The following SUGCT variants were observed in gnomAD, a reference collection of about 807,000 sequenced individuals.
SUGCT encodes the protein succinyl-CoA:glutarate-CoA transferase.
A neutral mutation model predicts 55.0 loss-of-function variants in SUGCT; 41 were observed. The ratio of observed to expected loss-of-function variants is 0.74; its 90% CI spans 0.58 to 0.97. SUGCT has a LOEUF of 0.97. Among genes scored for constraint, SUGCT ranks in the 50% least tolerant of loss-of-function variants. The pLI is 0.00. For missense variants in SUGCT, 568 were observed against 547.8 expected (o/e 1.04, Z -0.37); for synonymous variants, 187 against 200.4 (o/e 0.93, Z 0.56).
intron 1 of SUGCT, among the ~76,000 whole-genome samples, chr7:40,171,427 CT>C (rs1405434560): frequency 6.6e-6 from 1 of 152,206 alleles, no homozygotes; most frequent in Non-Finnish European, 1.5e-5. Context: ...AACCATCTAC[CT>C]TCTTGTCCTG....
chr7:40,870,753 T>A, the SUGCT span, among the ~76,000 whole-genome samples: 1 of 152,240 alleles, frequency 6.6e-6, no homozygotes, highest in South Asian at 2.1e-4. Flanking sequence ...TGTAATTCTA[T>A]TGTAAGAGTT....
At chr7:41,023,060 A>G in the SUGCT span, among the ~76,000 whole-genome samples, 2 of 152,136 alleles carry the variant, frequency 1.3e-5, no homozygotes, top group Non-Finnish European at 2.9e-5. Flanking sequence ...TTGTTATATG[A>G]TGTGAGCTGA....
intron 1 of SUGCT, among the ~76,000 whole-genome samples, chr7:40,162,964 AT>A (rs1453333420): frequency 6.6e-5 from 10 of 152,204 alleles, no homozygotes; most frequent in Non-Finnish European, 1.3e-4. Flanking sequence ...TGCAGTACAA[AT>A]TAGCCCAATC....
chr7:40,764,469 T>C (rs1420127365), intron 13 of SUGCT, among the ~76,000 whole-genome samples: 3 of 152,132 alleles, frequency 2.0e-5, no homozygotes, highest in African/African-American at 7.2e-5. Flanking sequence ...TAAGCAGAGA[T>C]GATATATATC....
intron 7 of SUGCT, among the ~76,000 whole-genome samples, chr7:40,258,472 G>A (rs778676881): frequency 6.6e-6 from 1 of 152,146 alleles, no homozygotes; most frequent in Non-Finnish European, 1.5e-5. Context: ...TCCACCTCCC[G>A]GGTTCAAGCG....
At chr7:40,986,956 C>T in the SUGCT span, among the ~76,000 whole-genome samples, 2 of 152,152 alleles carry the variant, frequency 1.3e-5, no homozygotes, top group Non-Finnish European at 2.9e-5. Context: ...TCACTTACAC[C>T]TTATTTGCAC....
the SUGCT span, among the ~76,000 whole-genome samples, chr7:40,937,875 G>A: frequency 1.3e-5 from 2 of 152,134 alleles, no homozygotes; most frequent in Non-Finnish European, 2.9e-5. Context: ...TTTTTCCACA[G>A]GCAGGAGCCA....
chr7:40,615,455 T>A (rs1157946985), intron 12 of SUGCT, among the ~76,000 whole-genome samples: 2 of 152,142 alleles, frequency 1.3e-5, no homozygotes, highest in African/African-American at 4.8e-5. Context: ...GAGAAAAAAA[T>A]TTATTTTTTG....
chr7:40,629,449 C>G (rs975829110), intron 12 of SUGCT, among the ~76,000 whole-genome samples: 2 of 152,104 alleles, frequency 1.3e-5, no homozygotes, highest in Admixed American at 6.5e-5. Flanking sequence ...GCCTCACAGA[C>G]AAGAGGCAGA....
intron 7 of SUGCT, among the ~76,000 whole-genome samples, chr7:40,267,071 A>G (rs918275387): frequency 2.3e-4 from 35 of 151,866 alleles, no homozygotes; most frequent in African/African-American, 7.3e-4. Flanking sequence ...AGAAAATAAC[A>G]CTGGGAATGG....
intron 13 of SUGCT, among the ~76,000 whole-genome samples, chr7:40,841,201 CAACAAAATGTATT>C (rs1478042626): frequency 6.6e-6 from 1 of 151,904 alleles, no homozygotes; most frequent in Non-Finnish European, 1.5e-5. Context: ...CTGACACAGA[CAACAAAATGTATT>C]AACACAAATG....
chr7:40,766,993 A>G (rs1472524707), intron 13 of SUGCT, among the ~76,000 whole-genome samples: 1 of 152,214 alleles, frequency 6.6e-6, no homozygotes, highest in Non-Finnish European at 1.5e-5. Flanking sequence ...TATATTGATG[A>G]TGATGATTAC....
chr7:40,483,324 C>T (rs1285258311), intron 11 of SUGCT, among the ~76,000 whole-genome samples: 1 of 152,168 alleles, frequency 6.6e-6, no homozygotes, highest in East Asian at 1.9e-4. Flanking sequence ...AAAACTTCTT[C>T]TTCTCTAGTG....
chr7:40,340,421 C>G (rs1387199599), intron 9 of SUGCT, among the ~76,000 whole-genome samples: 1 of 151,464 alleles, frequency 6.6e-6, no homozygotes, highest in Non-Finnish European at 1.5e-5. Context: ...GAGAATGGAA[C>G]TATGATCAAA....
the SUGCT span, among the ~76,000 whole-genome samples, chr7:40,874,792 C>T: frequency 1.5e-3 from 223 of 152,326 alleles, 1 homozygote; most frequent in African/African-American, 5.2e-3. Context: ...AACGTACCTC[C>T]TCATCAGGCT....
chr7:40,465,937 G>A (rs111992104), intron 11 of SUGCT, among the ~76,000 whole-genome samples: 4 of 151,982 alleles, frequency 2.6e-5, no homozygotes, highest in South Asian at 2.1e-4. Context: ...GCTAGCGTGC[G>A]GTAGTGTGAT....
chr7:40,917,155 C>G, the SUGCT span, among the ~76,000 whole-genome samples: 1 of 152,232 alleles, frequency 6.6e-6, no homozygotes, highest in East Asian at 1.9e-4. Flanking sequence ...AGCATTAGCT[C>G]CCCATGGGGG....
chr7:40,242,922 TA>T (rs1789513994), intron 7 of SUGCT, among the ~76,000 whole-genome samples: 17 of 29,226 alleles, frequency 5.8e-4, no homozygotes, highest in Non-Finnish European at 6.5e-4. Flanking sequence ...TATATATATA[TA>T]TATATATATA....
chr7:41,032,151 C>T, the SUGCT span, among the ~76,000 whole-genome samples: 12 of 152,102 alleles, frequency 7.9e-5, no homozygotes, highest in African/African-American at 2.9e-4. Flanking sequence ...AACCAACAAG[C>T]AAATACACAC....
Sources: allele counts gnomAD v4.1 joint callset (sites outside exome capture counted in the v4.1 genomes callset), GRCh38; gene constraint gnomAD v4.1.1; transcripts MANE v1.5; gene names NCBI Gene and HGNC (gene_info 2026-07-23, HGNC 2026-07-21).